The following FGF14 variants were observed in gnomAD, a reference collection of about 807,000 sequenced individuals.
The protein encoded by FGF14 is fibroblast growth factor 14.
Under a neutral mutation model 25.5 loss-of-function variants are expected in FGF14, and 5 were observed. The ratio of observed to expected loss-of-function variants is 0.20; its 90% confidence interval spans 0.10 to 0.41. The LOEUF (loss-of-function observed/expected upper bound fraction) is 0.41, where lower values mean the gene tolerates loss of function less well. FGF14 is among the 10% of genes least tolerant of loss of function. FGF14 has a pLI of 1.00. For synonymous variants in FGF14, 138 were observed against 118.3 expected, an observed-to-expected ratio of 1.17 and a Z score of -1.08; for missense variants, 222 against 320.1, an observed-to-expected ratio of 0.69 and a Z score of 2.34.
intron 1 of FGF14, among the ~76,000 whole-genome samples, chr13:102,068,592 G>A (rs1181357887): frequency 6.6e-6 from 1 of 152,204 alleles, no homozygotes; most frequent in Non-Finnish European, 1.5e-5. Context: ...TGCCAGCCCC[G>A]GGCAGTGAGC....
At chr13:101,756,613 A>G (rs531942385) in intron 3 of FGF14, among the ~76,000 whole-genome samples, 17 of 152,312 alleles carry the variant, frequency 1.1e-4, no homozygotes, top group African/African-American at 3.8e-4. Context: ...CATGCCTGTA[A>G]TCCCAGCTAC....
At chr13:102,049,751 CCACA>C (rs982234350) in intron 1 of FGF14, among the ~76,000 whole-genome samples, 4 of 152,000 alleles carry the variant, frequency 2.6e-5, no homozygotes, top group African/African-American at 9.7e-5. Context: ...ACGCACCCCC[CCACA>C]CACAAACACA....
chr13:102,307,506 T>C (rs2055458309), intron 1 of FGF14, among the ~76,000 whole-genome samples: 1 of 152,172 alleles, frequency 6.6e-6, no homozygotes. Context: ...CTAAATTCTG[T>C]ACAATATCCA....
intron 1 of FGF14, among the ~76,000 whole-genome samples, chr13:102,059,922 A>T (rs1427331643): frequency 7.0e-6 from 1 of 142,274 alleles, no homozygotes; most frequent in Non-Finnish European, 1.5e-5. Context: ...CAAACAAACA[A>T]AACAAAAGAT....
intron 1 of FGF14, among the ~76,000 whole-genome samples, chr13:102,295,226 C>T (rs1046663523): frequency 6.6e-6 from 1 of 152,096 alleles, no homozygotes; most frequent in Non-Finnish European, 1.5e-5. Flanking sequence ...GCCACTGGAG[C>T]GCATTTTTAT....
chr13:102,363,584 C>T (rs2057627576), intron 1 of FGF14, among the ~76,000 whole-genome samples: 1 of 152,184 alleles, frequency 6.6e-6, no homozygotes, highest in African/African-American at 2.4e-5. Flanking sequence ...GGCTCTTTTT[C>T]CCATAGCAGG....
chr13:102,260,714 C>T (rs546190126), intron 1 of FGF14, among the ~76,000 whole-genome samples: 2 of 152,354 alleles, frequency 1.3e-5, no homozygotes, highest in South Asian at 4.1e-4. Context: ...TGTAAATGGA[C>T]TGAGTGTGCC....
chr13:102,140,125 A>G (rs1164422948), intron 1 of FGF14, among the ~76,000 whole-genome samples: 2 of 142,452 alleles, frequency 1.4e-5, no homozygotes, highest in African/African-American at 5.3e-5. Flanking sequence ...AGATTTGGAG[A>G]ATCTTATTAG....
At chr13:102,235,281 T>C (rs1470043770) in intron 1 of FGF14, among the ~76,000 whole-genome samples, 1 of 152,232 alleles carries the variant, frequency 6.6e-6, no homozygotes, top group Non-Finnish European at 1.5e-5. Flanking sequence ...AATTCCAGTG[T>C]GTCATTAAAG....
chr13:102,063,557 A>C (rs1454581863), intron 1 of FGF14, among the ~76,000 whole-genome samples: 1 of 152,066 alleles, frequency 6.6e-6, no homozygotes, highest in Admixed American at 6.6e-5. Context: ...CAGAGGTTGC[A>C]GTGAGCCAAG....
At chr13:102,043,734 GC>G (rs1294573916) in intron 1 of FGF14, among the ~76,000 whole-genome samples, 1 of 152,142 alleles carries the variant, frequency 6.6e-6, no homozygotes, top group African/African-American at 2.4e-5. Context: ...AGGAAATCTG[GC>G]CTTTCCTTCC....
chr13:102,084,648 G>A (rs1321750969), intron 1 of FGF14, among the ~76,000 whole-genome samples: 1 of 151,764 alleles, frequency 6.6e-6, no homozygotes, highest in Non-Finnish European at 1.5e-5. Flanking sequence ...CATTGTCAAA[G>A]GAAGCAAGTT....
In FGF14 at chr13:102,343,735, T is replaced by A. The variant is rs923474547; in HGVS notation, c.208+57736A>T. ...CATTCATATTGCCTCTTTAGAAGCA[T>A]AGCAGAATCTAAACATATTTTGAAG... On this transcript the variant is annotated intron_variant, in intron 1 of 4. Coordinates refer to the FGF14 transcript ENST00000376131. Among the ~76,000 whole-genome samples, 7 of 152,344 alleles carry A rather than the reference T, an allele frequency of 4.6e-5. 1 individual carries two copies. The highest frequency in any genetic ancestry group is 3.9e-4 in the Admixed American group (6 of 15,294).
intron 1 of FGF14, among the ~76,000 whole-genome samples, chr13:102,365,212 T>C (rs1337005177): frequency 6.6e-6 from 1 of 152,060 alleles, no homozygotes; most frequent in Non-Finnish European, 1.5e-5. Flanking sequence ...TCTCAAAGTC[T>C]GGGTCCTCTA....
In FGF14 at chr13:101,803,654, T is replaced by C. The variant is rs1258655315; in HGVS notation, c.408+65071A>G. 5.3e-5 allele frequency among the ~76,000 whole-genome samples: 8 copies of C among 152,180 alleles called. No homozygotes were observed. In the South Asian group the frequency reaches 8.3e-4, roughly 16 times the overall value. ...GCAGTAATGCATTTTAAAAAATAAA[T>C]GGTAGACTATATAGAACTTAGTAAC... On this transcript the variant is annotated intron_variant, in intron 3 of 4. Transcript: ENST00000376143.
intron 1 of FGF14, among the ~76,000 whole-genome samples, chr13:102,172,307 C>T (rs1454016750): frequency 1.3e-5 from 2 of 152,092 alleles, no homozygotes; most frequent in South Asian, 2.1e-4. Flanking sequence ...TACCTTCCTT[C>T]GACAATTTTA....
At chr13:102,195,696 G>A (rs1225312550) in intron 1 of FGF14, among the ~76,000 whole-genome samples, 83 of 149,724 alleles carry the variant, frequency 5.5e-4, no homozygotes, top group Non-Finnish European at 1.2e-4. Context: ...GGAGGCTGAG[G>A]CTGGTGGATC....
intron 1 of FGF14, among the ~76,000 whole-genome samples, chr13:101,960,677 G>A (rs574132583): frequency 6.6e-6 from 1 of 152,122 alleles, no homozygotes; most frequent in South Asian, 2.1e-4. Context: ...CTTTACAATA[G>A]AATGATTTAT....
chr13:102,139,735 C>T (rs1189138525), intron 1 of FGF14, among the ~76,000 whole-genome samples: 14 of 151,576 alleles, frequency 9.2e-5, no homozygotes, highest in African/African-American at 2.7e-4. Flanking sequence ...TGTGAAGAAA[C>T]GAGGAAAGAC....
Sources: gnomAD v4.1 joint callset for allele counts (sites outside exome capture counted in the v4.1 genomes callset) on GRCh38, gnomAD v4.1.1 for gene constraint, MANE v1.5 for transcripts, NCBI Gene and HGNC (gene_info 2026-07-23, HGNC 2026-07-21) for gene names.